Variants in MUC4 observed in about 807,000 individuals in gnomAD.
MUC4 encodes mucin-4.
Under a neutral mutation model 257.9 loss-of-function variants are expected in MUC4, and 202 were observed. The observed-to-expected ratio is 0.78, with a 90% CI of 0.70 to 0.88. The LOEUF (loss-of-function observed/expected upper bound fraction) is 0.88. MUC4 is among the 40% of genes least tolerant of loss of function. The pLI, the probability that MUC4 is intolerant of heterozygous loss-of-function variation, is 0.00. For missense variants in MUC4, 5,976 were observed against 6,513.7 expected, an observed-to-expected ratio of 0.92 and a Z score of 2.84; for synonymous variants, 2,351 against 2,757.1, an observed-to-expected ratio of 0.85 and a Z score of 4.62.
In MUC4 at chr3:195,749,119, T is replaced by C. The variant is rs536678232; in HGVS notation, c.15872-55A>G. 5.9e-5 allele frequency: 93 copies of C among 1,583,268 alleles called. No homozygotes were observed. In the African/African-American group the frequency reaches 1.2e-3, roughly 20 times the overall value. On this transcript the variant is annotated intron_variant, in intron 23 of 24. Coordinates refer to ENST00000463781, the MANE Select transcript of MUC4 (RefSeq NM_018406.7). Reference sequence around the variant, plus strand: ...AAGCAACCGATGAACACTAAATCAGTACCTTTTCAGCCACGAATTCCTTTT... The same window carrying C: ...AAGCAACCGATGAACACTAAATCAGCACCTTTTCAGCCACGAATTCCTTTT...
chr3:195,770,601 C>T (rs935996201), intron 5 of MUC4: 1 of 583,966 alleles, frequency 1.7e-6, no homozygotes, highest in African/African-American at 1.9e-5. Context: ...CCCAGACGTC[C>T]AAGACCTCTG....
chr3:195,746,941 GGT>G lies in MUC4; in HGVS notation c.*233_*234del. ...GTGCACAGGCTAGTGTCCTTCTGTG[GGT>G]GTGTCTGCGTGAGGACCCATCCATG... On this transcript the variant is annotated 3_prime_UTR_variant, in exon 25 of 25. Transcript: ENST00000463781. 3.2e-6 allele frequency: 2 copies of G among 622,496 alleles called. No individual in the cohort carries two copies. Among genetic ancestry groups the G allele is most frequent in the Non-Finnish European group, 5.6e-6 (2 of 357,536 alleles). The allele number at this position is 622,496 out of a possible 1,614,324, so 38.6% of individuals were successfully genotyped here.
intron 3 of MUC4, among the ~76,000 whole-genome samples, chr3:195,775,603 A>G (rs371950774): frequency 1.4e-3 from 133 of 92,490 alleles, no homozygotes; most frequent in African/African-American, 3.4e-3. Context: ...TACCTTCCAC[A>G]CCCATACCTT....
chr3:195,763,559 G>A lies in MUC4; in HGVS notation c.14127C>T (p.Val4709=), dbSNP rs148201382. The change falls in exon 12 of 25, where the codon GTC becomes GTT. Residue 4709 remains valine (V), a synonymous_variant. Transcript: ENST00000463781. ...AGGAGGAGTTCCCGTCTTGGGCCCC[G>A]ACCAGCAGGAAGTCCCCCAGCCCAT... ...TFNGLGDFLL[V]GAQDGNSSFL... is the part of the protein sequence containing the mutation. 1.9e-5 allele frequency: 30 copies of A among 1,591,834 alleles called. No homozygotes were observed. Among genetic ancestry groups the A allele is most frequent in the East Asian group, 1.4e-4 (6 of 43,502 alleles).
Position 195,781,359 on chromosome 3 carries a change from CA to C in MUC4, c.10220del (p.Met3407SerfsTer852), listed in dbSNP as rs1727841734. 1 of 1,126,786 alleles carries C rather than the reference CA, an allele frequency of 8.9e-7. No homozygotes were observed. The highest frequency in any genetic ancestry group is 2.7e-5 in the African/African-American group (1 of 37,274). The allele number at this position is 1,126,786 out of a possible 1,614,324, so 69.8% of individuals were successfully genotyped here. Reference protein sequence around the residue: ...NTSSVSTGDTMPLPVTSPSSA... With the variant: ...NTSSVSTGDTXPLPVTSPSSA... ...AGGAAGGGCTAGTGACAGGAAGAGG[CA>C]TGGTGTCACCTGTGGATACTGAGGA... On this transcript the variant is annotated frameshift_variant, in exon 2 of 25. Transcript: ENST00000463781. LOFTEE classifies it high-confidence loss of function.
intron 3 of MUC4, among the ~76,000 whole-genome samples, chr3:195,776,368 A>ACCCATACCTTCCACG (rs1724720815): frequency 2.7e-5 from 1 of 37,552 alleles, no homozygotes; most frequent in Non-Finnish European, 5.2e-5. Context: ...TACCTTCCAC[A>ACCCATACCTTCCACG]GCCATACCTT....
intron 1 of MUC4, among the ~76,000 whole-genome samples, chr3:195,803,117 G>A (rs1424285911): frequency 6.6e-6 from 1 of 152,124 alleles, no homozygotes; most frequent in Non-Finnish European, 1.5e-5. Flanking sequence ...AAGTTGCAGG[G>A]GCTAAAACCT....
chr3:195,782,840 G>C lies in MUC4; in HGVS notation c.8740C>G (p.Pro2914Ala). 1 of 1,508,744 alleles carries C rather than the reference G, an allele frequency of 6.6e-7. No homozygotes were observed. The highest frequency in any genetic ancestry group is 8.9e-7 in the Non-Finnish European group (1 of 1,120,748). 93.5% of individuals were successfully genotyped at this position (1,508,744 alleles called of 1,614,324 possible). Residue 2914 changes from proline to alanine, a missense_variant, in exon 2 of 25, where the codon CCT (proline) becomes GCT (alanine). Pro to Ala is a conservative substitution (Grantham distance 27). Around this residue, in one of 44 missense-constraint regions of MUC4, gnomAD observed 228 missense variants for 206.3 expected, o/e 1.11. Transcript: ENST00000463781. ...GATGCTGAGGAAGTGTCGGTGACAG[G>C]AAGAGGCGTGGTGTCACCTGTGGAT... ...SVSTGDTTPL[P>A]VTDTSSASTG...
chr3:195,762,158 G>T lies in MUC4; in HGVS notation c.14441C>A (p.Ala4814Glu). 1 of 1,607,868 alleles carries T rather than the reference G, an allele frequency of 6.2e-7. No homozygotes were observed. The part of the protein sequence containing the change: ...FDGWATVSVI[A>E]LSNILHASAS... ...GGAGGCGTGGAGGATGTTGGAGAGC[G>T]CGATCACCGAGACGGTGGCCCAGCC... The change falls in exon 14 of 25, where the codon GCG becomes GAG. Residue 4814 changes from alanine (A) to glutamate (E), a missense_variant. By Grantham distance (107) the Ala-to-Glu change is moderately radical (BLOSUM62 -1). Around this residue, in one of 44 missense-constraint regions of MUC4, gnomAD observed 996 missense variants for 1,137.3 expected, o/e 0.88. Coordinates refer to ENST00000463781, the MANE Select transcript of MUC4 (RefSeq NM_018406.7).
Position 195,786,922 on chromosome 3 carries a change from A to G in MUC4, c.4658T>C (p.Leu1553Pro). 6 of 1,496,592 alleles carry G rather than the reference A, an allele frequency of 4.0e-6. No homozygotes were observed. The highest frequency in any genetic ancestry group is 5.4e-6 in the Non-Finnish European group (6 of 1,111,446). 92.7% of individuals were successfully genotyped at this position (1,496,592 alleles called of 1,614,324 possible). Reference sequence around the variant, plus strand: ...TACTGAGGAAGCGTCGGTGACAGGAAGAGGGGTGGTGTCACCTGTGGATGC... The same window carrying G: ...TACTGAGGAAGCGTCGGTGACAGGAGGAGGGGTGGTGTCACCTGTGGATGC... ...SSASTGDTTPLPVTDASSVST... is the reference protein window; with the variant it reads ...SSASTGDTTPPPVTDASSVST... The change falls in exon 2 of 25, where the codon CTT becomes CCT. Residue 1553 changes from leucine (L) to proline (P), a missense_variant. Around this residue, in one of 44 missense-constraint regions of MUC4, gnomAD observed 63 missense variants for 68.8 expected, o/e 0.92. Coordinates refer to ENST00000463781, the MANE Select transcript of MUC4 (RefSeq NM_018406.7).
intron 23 of MUC4, chr3:195,749,823 A>C (rs1318549257): frequency 6.6e-6 from 1 of 152,326 alleles, no homozygotes; most frequent in African/African-American, 2.4e-5. Flanking sequence ...TGTAGGAAAT[A>C]CTGTTGTCTC....
Position 195,751,250 on chromosome 3 carries a change from G to C in MUC4, c.15604C>G (p.Leu5202Val). ...NASVAYRLGTLDMRAFLRNSQ... is the reference protein window; with the variant it reads ...NASVAYRLGTVDMRAFLRNSQ... The stretch of plus-strand genomic sequence containing the variant: ...TTGCGGAGAAAGGCCCGCATGTCCA[G>C]GGTCCCCAGTCTGTATGCCACCTAG... The change falls in exon 22 of 25, where the codon CTG becomes GTG. Residue 5202 changes from leucine to valine, a missense_variant. Physicochemically the swap from Leu to Val is conservative, Grantham distance 32 (BLOSUM62 1). Coordinates refer to ENST00000463781, the MANE Select transcript of MUC4 (RefSeq NM_018406.7). 1.2e-6 allele frequency: 2 copies of C among 1,607,432 alleles called. No individual in the cohort carries two copies. The highest frequency in any genetic ancestry group is 1.7e-5 in the Admixed American group (1 of 59,280).
intron 5 of MUC4, among the ~76,000 whole-genome samples, chr3:195,771,110 T>C (rs2688507): frequency 0.21 from 6,783 of 32,378 alleles, 1,156 homozygotes; most frequent in East Asian, 0.33. Flanking sequence ...GTCAGTCTCG[T>C]GGCCGGGTTG....
intron 7 of MUC4, 24 bp downstream of exon 7, chr3:195,768,998 T>C (rs1401507146): frequency 1.3e-5 from 21 of 1,605,608 alleles, no homozygotes; most frequent in Non-Finnish European, 1.8e-5. Context: ...AACTGCTCAG[T>C]GCTGACAGCC....
chr3:195,763,586 GA>G lies in MUC4; in HGVS notation c.14099del (p.Phe4700SerfsTer72). On this transcript the variant is annotated frameshift_variant, in exon 12 of 25. Coordinates refer to ENST00000463781, the MANE Select transcript of MUC4 (RefSeq NM_018406.7). LOFTEE classifies it high-confidence loss of function. ...CCAGCAGGAAGTCCCCCAGCCCATT[GA>G]AGGTGTAACTGACACCATCCAAGGT... Reference protein sequence around the residue: ...ITTLDGVSYTFNGLGDFLLVG... With the variant: ...ITTLDGVSYTXNGLGDFLLVG... 1.3e-6 allele frequency: 2 copies of G among 1,595,196 alleles called. No homozygotes were observed. The highest frequency in any genetic ancestry group is 2.3e-5 in the East Asian group (1 of 43,784).
At chr3:195,775,817 ATACCTTCCACG>A in intron 3 of MUC4, among the ~76,000 whole-genome samples, 1 of 45,656 alleles carries the variant, frequency 2.2e-5, no homozygotes, top group Admixed American at 2.2e-4. Context: ...TTCCACGGCC[ATACCTTCCACG>A]GTCATACCTT....
At position 195,782,771 on chromosome 3, in the gene MUC4, C is replaced by G. The variant is rs753261921; in HGVS notation, c.8809G>C (p.Val2937Leu). The change falls in exon 2 of 25, where the codon GTA (valine) becomes CTA (leucine). Residue 2937 changes from valine to leucine, a missense_variant. Transcript: ENST00000463781. ...AGAGGGGTGGTGTCACCTGTGGATA[C>G]TGAGGAAAGGCTGGTGACAGGAAGA... Reference protein sequence around the residue: ...TPLPVTSLSSVSTGDTTPLPV... With the variant: ...TPLPVTSLSSLSTGDTTPLPV... 4.3e-4 allele frequency: 651 copies of G among 1,504,140 alleles called. 16 individuals are homozygous for G. In the African/African-American group the frequency reaches 8.6e-3, roughly 20 times the overall value. The allele number at this position is 1,504,140 out of a possible 1,614,324, so 93.2% of individuals were successfully genotyped here.
At chr3:195,754,864 T>G (rs1269897609) in intron 18 of MUC4, among the ~76,000 whole-genome samples, 2 of 136,650 alleles carry the variant, frequency 1.5e-5, no homozygotes, top group South Asian at 2.5e-4. Context: ...CATGTAGATA[T>G]GTATCAATGT....
chr3:195,806,013 G>A (rs979898615), intron 1 of MUC4, among the ~76,000 whole-genome samples: 27 of 33,810 alleles, frequency 8.0e-4, no homozygotes, highest in African/African-American at 1.4e-3. Flanking sequence ...CTACTCGGGG[G>A]GCTGAGGCAC....
Sources: allele counts gnomAD v4.1 joint callset (sites outside exome capture counted in the v4.1 genomes callset), GRCh38; gene constraint gnomAD v4.1.1; regional missense constraint gnomAD v4.1.1; transcripts MANE v1.5; gene names NCBI Gene and HGNC (gene_info 2026-07-23, HGNC 2026-07-21).